VWF: variants seen among roughly 807,000 people sequenced by gnomAD.
VWF encodes the protein Factor VIII related antigen.
In VWF, 176 loss-of-function variants were observed where a neutral mutation model predicts 308.6. The ratio of observed to expected loss-of-function variants is 0.57; its 90% confidence interval spans 0.50 to 0.65. The LOEUF (loss-of-function observed/expected upper bound fraction) is 0.65, where lower values mean the gene tolerates loss of function less well. Ranked by LOEUF, VWF falls within the 30% of genes least tolerant of loss-of-function variation. The pLI is 0.00. For missense variants in VWF, 3,146 were observed against 3,648.2 expected (o/e 0.86, Z 3.55); for synonymous variants, 1,385 against 1,443.4 (o/e 0.96, Z 0.92).
intron 3 of VWF, among the ~76,000 whole-genome samples, chr12:6,112,938 T>C (rs1015947172): frequency 1.3e-5 from 2 of 152,030 alleles, no homozygotes; most frequent in Non-Finnish European, 2.9e-5. Context: ...AGCTACAGAA[T>C]AGACTTGTTT....
In VWF at chr12:6,121,181, C is replaced by G; in HGVS notation, c.213G>C (p.Ser71=). The G allele has an allele frequency of 1.2e-6, 2 of 1,614,160 alleles. No homozygotes were observed. The highest frequency in any genetic ancestry group is 4.5e-5 in the East Asian group (2 of 44,880). Residue 71 remains serine (S), a synonymous_variant, in exon 3 of 52, where the codon TCG becomes TCC. Coordinates refer to ENST00000261405, the MANE Select transcript of VWF (RefSeq NM_000552.5). ...GCAGTGCCCAGAACTCACCAATAAT[C>G]GAGAAGGAGCGTTTCTGGCAGCCCC... ...LAGGCQKRSF[S]IIGDFQNGKR... is the part of the protein sequence containing the mutation.
chr12:6,096,309 G>A (rs538071831), intron 5 of VWF, among the ~76,000 whole-genome samples: 1 of 152,246 alleles, frequency 6.6e-6, no homozygotes, highest in South Asian at 2.1e-4. Context: ...CCTTCTTCAA[G>A]ATGCAGCTCA....
chr12:6,014,264 G>T (rs1223197042), intron 31 of VWF, among the ~76,000 whole-genome samples: 1 of 152,098 alleles, frequency 6.6e-6, no homozygotes, highest in Non-Finnish European at 1.5e-5. Context: ...GCCACAGTAA[G>T]GGCTCACCAT....
At chr12:5,966,169 T>G (rs1019422245) in intron 47 of VWF, among the ~76,000 whole-genome samples, 1 of 152,072 alleles carries the variant, frequency 6.6e-6, no homozygotes, top group Non-Finnish European at 1.5e-5. Flanking sequence ...CTGCCCTGAT[T>G]GGACTTCAGT....
intron 3 of VWF, among the ~76,000 whole-genome samples, chr12:6,119,010 G>A (rs918836475): frequency 6.6e-6 from 1 of 152,212 alleles, no homozygotes; most frequent in Non-Finnish European, 1.5e-5. Flanking sequence ...TACCTCCCTG[G>A]TTACCACGGC....
intron 16 of VWF, among the ~76,000 whole-genome samples, chr12:6,048,546 T>C (rs2136444973): frequency 6.6e-6 from 1 of 151,886 alleles, no homozygotes; most frequent in South Asian, 2.1e-4. Context: ...CACTGCAACC[T>C]CCACTTCCCG....
intron 21 of VWF, among the ~76,000 whole-genome samples, 196 bp downstream of exon 21, chr12:6,031,248 C>T (rs1319405281): frequency 6.6e-6 from 1 of 152,174 alleles, no homozygotes; most frequent in Non-Finnish European, 1.5e-5. Flanking sequence ...GGGATTGTGT[C>T]ATCCCTATTG....
At chr12:5,977,895 T>C (rs550066804) in intron 42 of VWF, among the ~76,000 whole-genome samples, 1 of 148,048 alleles carries the variant, frequency 6.8e-6, no homozygotes, top group Non-Finnish European at 1.5e-5. Flanking sequence ...ATATTATATA[T>C]TATATATATT....
intron 42 of VWF, among the ~76,000 whole-genome samples, chr12:5,977,954 C>CA (rs934231622): frequency 1.8e-4 from 26 of 148,472 alleles, no homozygotes; most frequent in African/African-American, 6.4e-4. Flanking sequence ...AGAGAAAACA[C>CA]AGAGTAAGAC....
intron 45 of VWF, 85 bp from the exon 46 acceptor site, chr12:5,968,252 TCCTCCGTGTCTGGGCCTC>T: frequency 6.5e-7 from 1 of 1,543,678 alleles, no homozygotes; most frequent in African/African-American, 1.4e-5. Flanking sequence ...TTGGGGCTCC[TCCTCCGTGTCTGGGCCTC>T]CCTCCTGTAT....
intron 3 of VWF, among the ~76,000 whole-genome samples, chr12:6,114,371 G>A (rs1167277942): frequency 1.3e-5 from 2 of 152,198 alleles, no homozygotes; most frequent in East Asian, 1.9e-4. Context: ...AGGCAGAGCT[G>A]AGCGGGTGCC....
chr12:5,995,916 T>C, intron 35 of VWF, 86 bp downstream of exon 35: 1 of 1,300,090 alleles, frequency 7.7e-7, no homozygotes, highest in Non-Finnish European at 1.1e-6. Context: ...AACAAGAGCA[T>C]CAACTAAAAG....
intron 3 of VWF, among the ~76,000 whole-genome samples, chr12:6,116,494 AG>A (rs1945368056): frequency 6.6e-6 from 1 of 152,222 alleles, no homozygotes; most frequent in South Asian, 2.1e-4. Context: ...AACTGAGAAC[AG>A]GGGTCTGGTC....
chr12:6,110,263 AG>A, intron 5 of VWF, 110 bp downstream of exon 5: 1 of 1,128,024 alleles, frequency 8.9e-7, no homozygotes, highest in East Asian at 2.3e-5. Flanking sequence ...AATTGAGGTG[AG>A]GTCACAGTGA....
chr12:6,017,697 T>C (rs753000777), intron 28 of VWF, among the ~76,000 whole-genome samples: 3 of 152,160 alleles, frequency 2.0e-5, no homozygotes, highest in Non-Finnish European at 4.4e-5. Flanking sequence ...ATTTTATAGA[T>C]GAGGATACAC....
chr12:5,951,558 A>C lies in VWF; in HGVS notation c.8155+286T>G, dbSNP rs527948131. Among the ~76,000 whole-genome samples the C allele has an allele frequency of 3.9e-5, 6 of 152,340 alleles. No individual in the cohort carries two copies. The East Asian group carries it at 1.2e-3, about 29-fold the overall frequency. ...CCTATGAGGGAAAAGGCACATAAGAAGCTGGAGACAGGAGGGAGTTTGCAG... is the reference window on the plus strand; with the variant it reads ...CCTATGAGGGAAAAGGCACATAAGACGCTGGAGACAGGAGGGAGTTTGCAG... On this transcript the variant is annotated intron_variant, in intron 50 of 51. Coordinates refer to ENST00000261405, the MANE Select transcript of VWF (RefSeq NM_000552.5).
chr12:6,059,218 A>C lies in VWF; in HGVS notation c.1534-1174T>G, dbSNP rs541038537. ...GGCCTTCTCCCACCTCCTTATTTAA[A>C]ATTTAAATCCCCCCAATCCTGGCAC... On this transcript the variant is annotated intron_variant, in intron 13 of 51. Transcript: ENST00000261405. 2.6e-5 allele frequency among the ~76,000 whole-genome samples: 4 copies of C among 152,158 alleles called. No homozygotes were observed. The South Asian group carries it at 8.3e-4, about 32-fold the overall frequency.
intron 6 of VWF, among the ~76,000 whole-genome samples, chr12:6,089,649 C>T (rs1945009623): frequency 1.3e-5 from 2 of 152,220 alleles, no homozygotes; most frequent in Admixed American, 1.3e-4. Flanking sequence ...TTACCTCCCA[C>T]TCAGTATGGA....
At chr12:5,979,816 T>A in intron 42 of VWF, among the ~76,000 whole-genome samples, 2 of 146,640 alleles carry the variant, frequency 1.4e-5, no homozygotes, top group South Asian at 4.3e-4. Flanking sequence ...CAGAGGCGGG[T>A]GGATCACAAG....
Sources: gnomAD v4.1 joint callset for allele counts (sites outside exome capture counted in the v4.1 genomes callset) on GRCh38, gnomAD v4.1.1 for gene constraint, MANE v1.5 for transcripts, NCBI Gene and HGNC (gene_info 2026-07-23, HGNC 2026-07-21) for gene names.